PCDH7: variants seen among roughly 807,000 people sequenced by gnomAD.
PCDH7 encodes protocadherin 7, also known as protocadherin-7.
PCDH7 carries 17 observed loss-of-function variants against 58.9 expected under a neutral mutation model. That is an observed-to-expected ratio of 0.29 (90% CI 0.20 to 0.43). The LOEUF (loss-of-function observed/expected upper bound fraction) is 0.43, where lower values mean the gene tolerates loss of function less well. Ranked by LOEUF, PCDH7 falls within the 20% of genes least tolerant of loss-of-function variation. The probability of loss-of-function intolerance (pLI) is 1.00; values close to 1 mark genes in which losing one functional copy is unlikely to be tolerated. For missense variants in PCDH7, 1,274 were observed against 1,441.0 expected (o/e 0.88, Z 1.88); for synonymous variants, 664 against 616.4 (o/e 1.08, Z -1.14).
chr4:30,736,204 G>A (rs1282689143), downstream of PCDH7, among the ~76,000 whole-genome samples: 2 of 152,126 alleles, frequency 1.3e-5, no homozygotes, highest in Admixed American at 1.3e-4. Flanking sequence ...GTTTTTCACT[G>A]TTGGAAGAAA....
chr4:30,869,124 G>C (rs1332264208), intron 1 of PCDH7: 4 of 151,980 alleles, frequency 2.6e-5, no homozygotes, highest in Non-Finnish European at 5.9e-5. Flanking sequence ...CTAATCCACT[G>C]ATCACGCAGC....
At chr4:30,999,434 G>A (rs1752167055) in intron 3 of PCDH7, among the ~76,000 whole-genome samples, 1 of 152,094 alleles carries the variant, frequency 6.6e-6, no homozygotes, top group South Asian at 2.1e-4. Flanking sequence ...GAGGATGAAG[G>A]AGAGAGAAAA....
chr4:30,783,486 A>G (rs16884081), intron 1 of PCDH7, among the ~76,000 whole-genome samples: 1,971 of 152,226 alleles, frequency 0.013, 48 homozygotes, highest in African/African-American at 0.045. Context: ...TTCAACAGAT[A>G]CTTGTACTTA....
intron 3 of PCDH7, among the ~76,000 whole-genome samples, chr4:31,128,002 T>C (rs1409609566): frequency 6.6e-6 from 1 of 151,724 alleles, no homozygotes; most frequent in Non-Finnish European, 1.5e-5. Context: ...TGTGCATATA[T>C]ATGTGTGTCC....
chr4:30,891,914 T>A (rs529722243), intron 1 of PCDH7, among the ~76,000 whole-genome samples: 1 of 152,044 alleles, frequency 6.6e-6, no homozygotes, highest in African/African-American at 2.4e-5. Context: ...AAGGGGATCG[T>A]GTTTGCAAGA....
chr4:31,138,626 A>C (rs1719895963), intron 3 of PCDH7, among the ~76,000 whole-genome samples: 1 of 152,180 alleles, frequency 6.6e-6, no homozygotes, highest in Admixed American at 6.6e-5. Context: ...GTGCTAAATT[A>C]AAGAGATGAA....
At chr4:30,832,064 A>G (rs1044758074) in intron 1 of PCDH7, among the ~76,000 whole-genome samples, 2 of 152,182 alleles carry the variant, frequency 1.3e-5, no homozygotes, top group African/African-American at 2.4e-5. Flanking sequence ...ACATGACTCA[A>G]TGAGATTTGT....
intron 3 of PCDH7, among the ~76,000 whole-genome samples, chr4:31,000,538 G>A (rs1252571840): frequency 6.6e-6 from 1 of 152,006 alleles, no homozygotes; most frequent in Non-Finnish European, 1.5e-5. Flanking sequence ...CATTATGTAA[G>A]AATTAGGAAA....
intron 1 of PCDH7, among the ~76,000 whole-genome samples, chr4:30,854,600 A>G (rs190074843): frequency 3.4e-4 from 52 of 152,044 alleles, no homozygotes; most frequent in African/African-American, 1.2e-3. Context: ...TCAGAGACAG[A>G]AAGTCCTCGA....
chr4:31,060,442 T>C (rs1246011794), intron 3 of PCDH7, among the ~76,000 whole-genome samples: 1 of 151,830 alleles, frequency 6.6e-6, no homozygotes, highest in Non-Finnish European at 1.5e-5. Context: ...TGCCGTATTG[T>C]TTGATGCCCC....
chr4:31,007,651 T>A (rs1752879876), intron 3 of PCDH7, among the ~76,000 whole-genome samples: 1 of 151,924 alleles, frequency 6.6e-6, no homozygotes, highest in African/African-American at 2.4e-5. Context: ...TTCCAAATTC[T>A]GGAAAAGAAG....
In PCDH7 at chr4:31,016,486, CA is replaced by C. The variant is rs527825618; in HGVS notation, c.*7+66272del. ...ATCATCTAAACCAATGATTCAGCCA[CA>C]GATTGTGCATTGAGCAACTCCAGGG... On this transcript the variant is annotated intron_variant, in intron 3 of 3. Transcript: ENST00000509759. Among the ~76,000 whole-genome samples, 157 of 150,656 alleles carry C rather than the reference CA, an allele frequency of 1.0e-3. 2 individuals are homozygous for C. The highest frequency in any genetic ancestry group is 1.9e-3 in the South Asian group (9 of 4,762).
intron 1 of PCDH7, among the ~76,000 whole-genome samples, chr4:30,908,033 G>A (rs1237426405): frequency 1.3e-5 from 2 of 152,080 alleles, no homozygotes; most frequent in East Asian, 1.9e-4. Context: ...CTCACTTGTA[G>A]GTGGGAGTTA....
chr4:30,993,109 G>A (rs1194567193), intron 3 of PCDH7, among the ~76,000 whole-genome samples: 3 of 151,994 alleles, frequency 2.0e-5, no homozygotes, highest in African/African-American at 4.8e-5. Context: ...TGTCCCATTC[G>A]TTTTTGATAG....
chr4:30,867,806 T>C (rs1735061687), intron 1 of PCDH7, among the ~76,000 whole-genome samples: 1 of 152,110 alleles, frequency 6.6e-6, no homozygotes, highest in Non-Finnish European at 1.5e-5. Context: ...ATGGTAGGGC[T>C]ATTCAAAAGA....
intron 3 of PCDH7, among the ~76,000 whole-genome samples, chr4:31,024,891 C>T (rs1401246583): frequency 6.6e-6 from 1 of 152,066 alleles, no homozygotes; most frequent in Non-Finnish European, 1.5e-5. Flanking sequence ...TACAGGCACG[C>T]ACCACCATGC....
At chr4:30,990,802 T>A (rs1560559629) in intron 3 of PCDH7, among the ~76,000 whole-genome samples, 1 of 152,202 alleles carries the variant, frequency 6.6e-6, no homozygotes, top group Non-Finnish European at 1.5e-5. Flanking sequence ...CTTAATGGCC[T>A]CACAATCCAA....
intron 1 of PCDH7, among the ~76,000 whole-genome samples, chr4:30,785,135 ATAGT>A (rs1303890174): frequency 2.6e-5 from 4 of 152,058 alleles, no homozygotes; most frequent in Admixed American, 1.3e-4. Flanking sequence ...CTTCACAAAA[ATAGT>A]TAAATAGTTG....
intron 3 of PCDH7, among the ~76,000 whole-genome samples, chr4:30,991,075 G>A (rs189285270): frequency 1.1e-4 from 16 of 152,106 alleles, no homozygotes; most frequent in East Asian, 1.9e-4. Context: ...TGTTTTTCAC[G>A]ATACACCGGG....
Sources: allele counts gnomAD v4.1 joint callset (sites outside exome capture counted in the v4.1 genomes callset), GRCh38; gene constraint gnomAD v4.1.1; transcripts MANE v1.5; gene names NCBI Gene and HGNC (gene_info 2026-07-23, HGNC 2026-07-21).